The following LRP1B variants were observed in gnomAD, a reference collection of about 807,000 sequenced individuals.
The protein encoded by LRP1B is low-density lipoprotein receptor-related protein 1B.
A neutral mutation model predicts 556.6 loss-of-function variants in LRP1B; 217 were observed. That is an observed-to-expected ratio of 0.39 (90% CI 0.35 to 0.44). LRP1B has a LOEUF of 0.44. LRP1B is among the 20% of genes least tolerant of loss of function. The pLI is 1.00. For missense variants in LRP1B, 5,053 were observed against 5,620.8 expected (o/e 0.90, Z 3.23); for synonymous variants, 2,047 against 1,865.8 (o/e 1.10, Z -2.50).
intron 60 of LRP1B, among the ~76,000 whole-genome samples, chr2:140,465,196 G>A (rs1687494601): frequency 1.3e-5 from 2 of 152,074 alleles, no homozygotes; most frequent in South Asian, 4.2e-4. Flanking sequence ...TGCACGTGGA[G>A]AGGTGCCACA....
At chr2:140,462,143 C>T (rs1294119528) in intron 60 of LRP1B, among the ~76,000 whole-genome samples, 1 of 152,136 alleles carries the variant, frequency 6.6e-6, no homozygotes, top group Non-Finnish European at 1.5e-5. Flanking sequence ...TTAAATCCTA[C>T]TATCTTTTTC....
intron 1 of LRP1B, among the ~76,000 whole-genome samples, chr2:141,906,792 A>G (rs1270525824): frequency 3.3e-5 from 5 of 152,052 alleles, no homozygotes; most frequent in Admixed American, 1.3e-4. Context: ...TGTGGTTACA[A>G]AGTAGACAAA....
chr2:141,631,990 C>T (rs1688930961), intron 2 of LRP1B, among the ~76,000 whole-genome samples: 1 of 152,032 alleles, frequency 6.6e-6, no homozygotes, highest in African/African-American at 2.4e-5. Flanking sequence ...TGGCTCACTG[C>T]AAGCTCACTG....
chr2:141,845,629 T>C (rs1697619826), intron 1 of LRP1B, among the ~76,000 whole-genome samples: 1 of 151,848 alleles, frequency 6.6e-6, no homozygotes, highest in East Asian at 1.9e-4. Context: ...ATGACTCTAG[T>C]CTTTTGTACC....
At chr2:141,919,071 A>G (rs1437832187) in intron 1 of LRP1B, among the ~76,000 whole-genome samples, 2 of 152,202 alleles carry the variant, frequency 1.3e-5, no homozygotes, top group African/African-American at 4.8e-5. Context: ...TAAAAAGATA[A>G]GTCAAAAGGA....
chr2:141,762,275 A>T (rs1694584893), intron 2 of LRP1B, among the ~76,000 whole-genome samples: 1 of 152,014 alleles, frequency 6.6e-6, no homozygotes, highest in African/African-American at 2.4e-5. Flanking sequence ...GAGCAGGGAA[A>T]AAAAATGAAT....
At position 141,015,881 on chromosome 2, in the gene LRP1B, T is replaced by C. The variant is rs75995642; in HGVS notation, c.2005A>G (p.Ile669Val). 0.01 allele frequency: 16,449 copies of C among 1,613,448 alleles called. 119 individuals carry two copies. The highest frequency in any genetic ancestry group is 0.012 in the Non-Finnish European group (14,167 of 1,179,654). The change falls in exon 13 of 91, where the codon ATA becomes GTA. Residue 669 changes from isoleucine to valine, a missense_variant. Ile to Val is a conservative substitution (Grantham distance 29). This residue lies in a region of LRP1B where 3,619 missense variants were observed against 3,931.9 expected (regional missense o/e 0.92). Coordinates refer to ENST00000389484, the MANE Select transcript of LRP1B (RefSeq NM_018557.3). Reference protein sequence around the residue: ...MYWTDWEEDEIDDSVGRIEKA... With the variant: ...MYWTDWEEDEVDDSVGRIEKA... ...TCAATCCTTCCCACGCTGTCATCTA[T>C]TTCATCTTCCTCCCAGTCTGTCCAA...
intron 2 of LRP1B, among the ~76,000 whole-genome samples, chr2:141,808,231 C>T (rs185677773): frequency 1.0e-3 from 152 of 152,182 alleles, no homozygotes; most frequent in Non-Finnish European, 9.6e-4. Context: ...CCTGGCTTTC[C>T]TGCATATGAA....
At chr2:142,009,056 C>T (rs1428736814) in intron 1 of LRP1B, among the ~76,000 whole-genome samples, 1 of 152,104 alleles carries the variant, frequency 6.6e-6, no homozygotes, top group African/African-American at 2.4e-5. Context: ...CATTCCTGGA[C>T]ACTAACTTCT....
intron 3 of LRP1B, among the ~76,000 whole-genome samples, chr2:141,329,903 A>G (rs925725885): frequency 6.6e-6 from 1 of 152,104 alleles, no homozygotes; most frequent in African/African-American, 2.4e-5. Flanking sequence ...GTTCTCTCTG[A>G]ATTTGTGTCT....
At chr2:141,525,064 C>A (rs1229446883) in intron 2 of LRP1B, among the ~76,000 whole-genome samples, 1 of 151,790 alleles carries the variant, frequency 6.6e-6, no homozygotes, top group Non-Finnish European at 1.5e-5. Flanking sequence ...TTTTTTTTGA[C>A]TCTGAAATAC....
At chr2:141,866,073 C>A (rs963927031) in intron 1 of LRP1B, among the ~76,000 whole-genome samples, 1 of 152,160 alleles carries the variant, frequency 6.6e-6, no homozygotes, top group African/African-American at 2.4e-5. Context: ...TAGGTGTGTC[C>A]TTGAGGATTT....
At chr2:140,979,590 C>T (rs1558778680) in intron 18 of LRP1B, among the ~76,000 whole-genome samples, 1 of 152,028 alleles carries the variant, frequency 6.6e-6, no homozygotes, top group Non-Finnish European at 1.5e-5. Context: ...TTACAGCACA[C>T]AAATAGGCAA....
chr2:141,486,320 C>T (rs980289331), intron 2 of LRP1B, among the ~76,000 whole-genome samples: 1 of 152,052 alleles, frequency 6.6e-6, no homozygotes, highest in African/African-American at 2.4e-5. Flanking sequence ...ATAATGCTCC[C>T]AGGATAATGC....
At chr2:140,555,544 T>A (rs1296602920) in intron 43 of LRP1B, among the ~76,000 whole-genome samples, 1 of 152,086 alleles carries the variant, frequency 6.6e-6, no homozygotes. Flanking sequence ...CAGTAAGCTC[T>A]TAATAATTGT....
chr2:141,707,199 A>G (rs1692174525), intron 2 of LRP1B, among the ~76,000 whole-genome samples: 1 of 152,038 alleles, frequency 6.6e-6, no homozygotes, highest in South Asian at 2.1e-4. Flanking sequence ...TTTCTTGTTC[A>G]CTATCCCTTA....
chr2:140,534,252 A>G, intron 46 of LRP1B, 112 bp from the exon 47 acceptor site: 1 of 1,031,048 alleles, frequency 9.7e-7, no homozygotes, highest in Non-Finnish European at 1.4e-6. Context: ...GATCTATAAA[A>G]CAAGTGCTGT....
intron 2 of LRP1B, among the ~76,000 whole-genome samples, chr2:141,793,453 T>C (rs1465150502): frequency 6.6e-6 from 1 of 151,950 alleles, no homozygotes; most frequent in East Asian, 1.9e-4. Context: ...CAGATTTATC[T>C]GGTCCCAGGT....
chr2:141,334,613 A>T lies in LRP1B; in HGVS notation c.344-79972T>A, dbSNP rs557520335. Among the ~76,000 whole-genome samples, 7 of 152,326 alleles carry T rather than the reference A, an allele frequency of 4.6e-5. No individual in the cohort carries two copies. The South Asian group carries it at 1.4e-3, about 32-fold the overall frequency. On this transcript the variant is annotated intron_variant, in intron 3 of 90. Coordinates refer to ENST00000389484, the MANE Select transcript of LRP1B (RefSeq NM_018557.3). Reference sequence around the variant, plus strand: ...GTCACCCAGGCTGGAGTGTAGTGGCACCATCTTGGCTCACTGCAACCTCCA... The same window carrying T: ...GTCACCCAGGCTGGAGTGTAGTGGCTCCATCTTGGCTCACTGCAACCTCCA...
Sources: allele counts gnomAD v4.1 joint callset (sites outside exome capture counted in the v4.1 genomes callset), GRCh38; gene constraint gnomAD v4.1.1; regional missense constraint gnomAD v4.1.1; transcripts MANE v1.5; gene names NCBI Gene and HGNC (gene_info 2026-07-23, HGNC 2026-07-21).